IFT81: variants seen among roughly 807,000 people sequenced by gnomAD.
IFT81 encodes the protein intraflagellar transport protein 81 homolog.
In IFT81, 72 loss-of-function variants were observed where a neutral mutation model predicts 102.6. That is an observed-to-expected ratio of 0.70 (90% CI 0.58 to 0.85). The LOEUF is 0.85. IFT81 is among the 40% of genes least tolerant of loss of function. IFT81 has a pLI of 0.00. For missense variants in IFT81, 723 were observed against 787.3 expected, an observed-to-expected ratio of 0.92 and a Z score of 0.98; for synonymous variants, 237 against 242.7, an observed-to-expected ratio of 0.98 and a Z score of 0.22.
At chr12:110,144,044 C>T (rs1465563805) in intron 9 of IFT81, among the ~76,000 whole-genome samples, 12 of 119,986 alleles carry the variant, frequency 1.0e-4, no homozygotes, top group African/African-American at 3.9e-4. Context: ...AGTACTTGCT[C>T]TGTTGCCCAG....
At chr12:110,172,511 C>T (rs894496601) in intron 11 of IFT81, among the ~76,000 whole-genome samples, 4 of 152,138 alleles carry the variant, frequency 2.6e-5, no homozygotes, top group Non-Finnish European at 5.9e-5. Context: ...CTCAGCCTGC[C>T]GAGTGCCTGC....
chr12:110,139,818 T>TAAATAAAATA (rs749031924), intron 8 of IFT81, among the ~76,000 whole-genome samples: 4,548 of 105,356 alleles, frequency 0.043, 199 homozygotes, highest in African/African-American at 0.1. Context: ...TAAAATAAAA[T>TAAATAAAATA]AAATAAAATA....
At chr12:110,139,876 A>AATAAAAT (rs1566110516) in intron 8 of IFT81, among the ~76,000 whole-genome samples, 105 of 141,106 alleles carry the variant, frequency 7.4e-4, no homozygotes, top group African/African-American at 2.3e-3. Flanking sequence ...TATAAAATAA[A>AATAAAAT]ATAAAATAAA....
chr12:110,144,226 T>G (rs1038186864), intron 9 of IFT81, among the ~76,000 whole-genome samples: 3 of 149,830 alleles, frequency 2.0e-5, no homozygotes, highest in African/African-American at 4.9e-5. Context: ...TTGTTTTTTG[T>G]TTTTTTTTGA....
At chr12:110,180,631 A>T in intron 12 of IFT81, 60 bp downstream of exon 12, 1 of 1,260,096 alleles carries the variant, frequency 7.9e-7, no homozygotes, top group South Asian at 1.5e-5. Context: ...TATGGGTTAC[A>T]GCTTTATACT....
At chr12:110,134,715 T>C (rs1894377226) in intron 5 of IFT81, among the ~76,000 whole-genome samples, 1 of 152,198 alleles carries the variant, frequency 6.6e-6, no homozygotes, top group Admixed American at 6.5e-5. Flanking sequence ...TGCTGCATTA[T>C]AACTGGTTTT....
At chr12:110,188,400 C>T (rs1163469392) in intron 12 of IFT81, among the ~76,000 whole-genome samples, 1 of 151,196 alleles carries the variant, frequency 6.6e-6, no homozygotes, top group East Asian at 2.0e-4. Flanking sequence ...GAGCCTTACT[C>T]TGCTTGTGCA....
chr12:110,130,801 A>T (rs896502751), intron 4 of IFT81, among the ~76,000 whole-genome samples: 1 of 151,904 alleles, frequency 6.6e-6, no homozygotes. Context: ...TATATATATA[A>T]AATGAGAAAG....
chr12:110,175,677 A>G (rs558981758), intron 11 of IFT81, among the ~76,000 whole-genome samples: 1 of 152,302 alleles, frequency 6.6e-6, no homozygotes, highest in African/African-American at 2.4e-5. Flanking sequence ...AGACAAGCCA[A>G]GTTGTTTTCC....
intron 12 of IFT81, among the ~76,000 whole-genome samples, chr12:110,182,256 A>G (rs910770305): frequency 6.6e-5 from 10 of 152,190 alleles, no homozygotes; most frequent in South Asian, 2.1e-4. Context: ...CCACCCAGCT[A>G]TAGCTTCTAT....
At position 110,146,934 on chromosome 12, in the gene IFT81, T is replaced by G. The variant is rs778837929; in HGVS notation, c.946-19T>G. 1.3e-6 allele frequency: 2 copies of G among 1,580,354 alleles called. No homozygotes were observed. Among genetic ancestry groups the G allele is most frequent in the Middle Eastern group, 1.8e-4 (1 of 5,684 alleles). ...AGGGAAAGTTTTAACTTTTTTTTTTTGCTTTCATGCTATTTTAGATAAATG... is the reference window on the plus strand; with the variant it reads ...AGGGAAAGTTTTAACTTTTTTTTTTGGCTTTCATGCTATTTTAGATAAATG... On this transcript the variant is annotated intron_variant, in intron 9 of 18. Coordinates refer to ENST00000242591, the MANE Select transcript of IFT81 (RefSeq NM_014055.4).
At chr12:110,216,154 T>C (rs1451415647) in intron 18 of IFT81, among the ~76,000 whole-genome samples, 2 of 152,088 alleles carry the variant, frequency 1.3e-5, no homozygotes, top group African/African-American at 4.8e-5. Context: ...TATTTTCCCC[T>C]ATTATTAGCC....
intron 10 of IFT81, among the ~76,000 whole-genome samples, chr12:110,148,230 T>G (rs1244464602): frequency 6.6e-6 from 1 of 152,136 alleles, no homozygotes; most frequent in Non-Finnish European, 1.5e-5. Context: ...CCCTATGGTG[T>G]TGTTTTACCA....
chr12:110,211,474 A>G (rs1869433697), intron 18 of IFT81, among the ~76,000 whole-genome samples: 1 of 152,082 alleles, frequency 6.6e-6, no homozygotes, highest in African/African-American at 2.4e-5. Context: ...TACAGACATG[A>G]GCCACCTCGT....
intron 18 of IFT81, among the ~76,000 whole-genome samples, chr12:110,215,245 C>T (rs981584351): frequency 2.6e-5 from 4 of 151,672 alleles, no homozygotes; most frequent in African/African-American, 9.7e-5. Context: ...TGTTCCTTTG[C>T]ACTCTGCCTC....
Position 110,205,576 on chromosome 12 carries a change from C to G in IFT81, c.1717-19C>G, listed in dbSNP as rs746524085. 6.3e-7 allele frequency: 1 copy of G among 1,593,038 alleles called. No homozygotes were observed. The highest frequency in any genetic ancestry group is 1.4e-5 in the African/African-American group (1 of 73,690). On this transcript the variant is annotated intron_variant, in intron 16 of 18. Transcript: ENST00000242591. ...TTCTATATCAAAGTCTTCCCTAAAA[C>G]TGAAGTCTTTCTATTTAGAACCTAG... is the stretch of plus-strand genomic sequence containing the variant.
At chr12:110,202,586 G>A (rs1161226465) in intron 14 of IFT81, among the ~76,000 whole-genome samples, 1 of 151,872 alleles carries the variant, frequency 6.6e-6, no homozygotes, top group Non-Finnish European at 1.5e-5. Flanking sequence ...CTGAGTAGCT[G>A]GAACTACAGG....
At chr12:110,176,291 C>T (rs1280097575) in intron 11 of IFT81, among the ~76,000 whole-genome samples, 1 of 152,164 alleles carries the variant, frequency 6.6e-6, no homozygotes, top group Non-Finnish European at 1.5e-5. Context: ...GACCCTGTAC[C>T]CCGCCATGCC....
At chr12:110,163,992 C>T (rs1218683519) in intron 11 of IFT81, among the ~76,000 whole-genome samples, 1 of 151,970 alleles carries the variant, frequency 6.6e-6, no homozygotes, top group Admixed American at 6.5e-5. Flanking sequence ...AAGTGAAAAA[C>T]GTTAGTAGCA....
Sources: allele counts gnomAD v4.1 joint callset (sites outside exome capture counted in the v4.1 genomes callset), GRCh38; gene constraint gnomAD v4.1.1; transcripts MANE v1.5; gene names NCBI Gene and HGNC (gene_info 2026-07-23, HGNC 2026-07-21).